The following ADAMTS12 variants were observed in gnomAD, a reference collection of about 807,000 sequenced individuals.
ADAMTS12 encodes A disintegrin and metalloproteinase with thrombospondin motifs 12.
In ADAMTS12, 118 loss-of-function variants were observed where a neutral mutation model predicts 167.8. The observed-to-expected ratio is 0.70, with a 90% CI of 0.61 to 0.82. ADAMTS12 has a LOEUF of 0.82. Ranked by LOEUF, ADAMTS12 falls within the 40% of genes least tolerant of loss-of-function variation. The pLI, the probability that ADAMTS12 is intolerant of heterozygous loss-of-function variation, is 0.00. For synonymous variants in ADAMTS12, 704 were observed against 716.9 expected, an observed-to-expected ratio of 0.98 and a Z score of 0.29; for missense variants, 1,916 against 1,998.8, an observed-to-expected ratio of 0.96 and a Z score of 0.79.
intron 7 of ADAMTS12, among the ~76,000 whole-genome samples, chr5:33,656,062 T>G (rs925070376): frequency 6.6e-6 from 1 of 152,140 alleles, no homozygotes; most frequent in Non-Finnish European, 1.5e-5. Context: ...AGATCCTCAC[T>G]TTTTTCCTGC....
chr5:33,724,931 CTT>C (rs1743927447), intron 3 of ADAMTS12, among the ~76,000 whole-genome samples: 1 of 152,206 alleles, frequency 6.6e-6, no homozygotes, highest in African/African-American at 2.4e-5. Flanking sequence ...TCCAAAAACT[CTT>C]TCCAATCTCA....
chr5:33,754,824 C>A (rs1295954211), intron 2 of ADAMTS12, among the ~76,000 whole-genome samples: 2 of 152,056 alleles, frequency 1.3e-5, no homozygotes, highest in Non-Finnish European at 2.9e-5. Flanking sequence ...CCATTGCACT[C>A]CAGCCTGGGA....
intron 2 of ADAMTS12, among the ~76,000 whole-genome samples, chr5:33,862,252 A>G (rs918526387): frequency 4.6e-5 from 7 of 152,222 alleles, no homozygotes; most frequent in Non-Finnish European, 8.8e-5. Flanking sequence ...TGATTTTTTG[A>G]AAAGATTAAC....
At chr5:33,601,261 C>T (rs1160327265) in intron 16 of ADAMTS12, among the ~76,000 whole-genome samples, 2 of 152,084 alleles carry the variant, frequency 1.3e-5, no homozygotes, top group Non-Finnish European at 2.9e-5. Context: ...GCCTCAATTT[C>T]CTTGTCCTCA....
chr5:33,683,157 C>T (rs566083076), intron 4 of ADAMTS12, 56 bp from the exon 5 acceptor site: 5 of 1,344,802 alleles, frequency 3.7e-6, no homozygotes, highest in Admixed American at 3.8e-5. Flanking sequence ...TAAATAAATA[C>T]CAGAGAAGAA....
chr5:33,801,049 T>C (rs914017223), intron 2 of ADAMTS12, among the ~76,000 whole-genome samples: 4 of 151,986 alleles, frequency 2.6e-5, no homozygotes, highest in Admixed American at 2.6e-4. Context: ...GAGTCAGAAA[T>C]TGAAGTGATG....
rs115393872 is a variant in ADAMTS12, at chr5:33,805,000, G to A, written c.490-53452C>T. ...TTTGCACCCCTGACAAACAAACAATGTCTGACTAGTACCAATGTACTCATG... is the reference window on the plus strand; with the variant it reads ...TTTGCACCCCTGACAAACAAACAATATCTGACTAGTACCAATGTACTCATG... On this transcript the variant is annotated intron_variant, in intron 2 of 23. Coordinates refer to ENST00000504830, the MANE Select transcript of ADAMTS12 (RefSeq NM_030955.4). Among the ~76,000 whole-genome samples, 936 of 152,294 alleles carry A rather than the reference G, an allele frequency of 6.1e-3. 2 individuals are homozygous for A. The highest frequency in any genetic ancestry group is 9.8e-3 in the Non-Finnish European group (667 of 68,022).
At chr5:33,609,301 A>C in intron 16 of ADAMTS12, among the ~76,000 whole-genome samples, 1 of 152,138 alleles carries the variant, frequency 6.6e-6, no homozygotes, top group Non-Finnish European at 1.5e-5. Flanking sequence ...AAGTATTTTT[A>C]GTTAAGACAC....
At chr5:33,722,666 G>C (rs374496703) in intron 3 of ADAMTS12, among the ~76,000 whole-genome samples, 2 of 152,162 alleles carry the variant, frequency 1.3e-5, no homozygotes, top group East Asian at 3.9e-4. Flanking sequence ...AGCTGGAAGG[G>C]TAAAAAGACT....
intron 2 of ADAMTS12, among the ~76,000 whole-genome samples, chr5:33,753,086 T>C (rs1472601799): frequency 2.0e-5 from 3 of 152,364 alleles, no homozygotes; most frequent in African/African-American, 4.8e-5. Context: ...TGCAAACTTT[T>C]TGAGGCACAA....
intron 20 of ADAMTS12, among the ~76,000 whole-genome samples, chr5:33,553,168 C>T (rs2111849768): frequency 6.6e-6 from 1 of 152,142 alleles, no homozygotes; most frequent in Non-Finnish European, 1.5e-5. Context: ...CAATGAGATA[C>T]CATTTCACAT....
chr5:33,808,467 T>C (rs950332036), intron 2 of ADAMTS12, among the ~76,000 whole-genome samples: 5 of 152,210 alleles, frequency 3.3e-5, no homozygotes, highest in Admixed American at 3.3e-4. Flanking sequence ...GAACCAGTTA[T>C]CTAGAGGTAT....
chr5:33,663,006 G>A (rs1741314504), intron 5 of ADAMTS12, among the ~76,000 whole-genome samples: 1 of 152,160 alleles, frequency 6.6e-6, no homozygotes, highest in Non-Finnish European at 1.5e-5. Flanking sequence ...CTACCATTCT[G>A]TATTTTGCTG....
At chr5:33,607,367 C>T (rs1430396219) in intron 16 of ADAMTS12, among the ~76,000 whole-genome samples, 3 of 152,168 alleles carry the variant, frequency 2.0e-5, no homozygotes, top group African/African-American at 4.8e-5. Context: ...GCAAGGTTGC[C>T]GGATACAAAA....
At chr5:33,750,789 A>G (rs1439983267) in intron 3 of ADAMTS12, among the ~76,000 whole-genome samples, 1 of 152,220 alleles carries the variant, frequency 6.6e-6, no homozygotes, top group African/African-American at 2.4e-5. Flanking sequence ...CAAGGCCAAG[A>G]GGACCAATTC....
intron 2 of ADAMTS12, among the ~76,000 whole-genome samples, chr5:33,820,646 A>T (rs1309521451): frequency 1.5e-3 from 2 of 1,310 alleles, no homozygotes; most frequent in Admixed American, 0.05. Context: ...TTAATATATA[A>T]AAAAAAATTT....
At position 33,661,947 on chromosome 5, in the gene ADAMTS12, C is replaced by T. The variant is rs1741274894; in HGVS notation, c.1009G>A (p.Val337Ile). The T allele has an allele frequency of 1.9e-6, 3 of 1,613,320 alleles. No individual in the cohort carries two copies. Among genetic ancestry groups the T allele is most frequent in the South Asian group, 2.2e-5 (2 of 91,066 alleles). ...AGAAGGACAGCCACGTCGTGATGAA[C>T]AGGATTGAGGTCACTCTTGGGATTG... ...SINPKSDLNP[V>I]HHDVAVLLTR... Residue 337 changes from valine to isoleucine, a missense_variant, in exon 6 of 24, where the codon GTT becomes ATT. Physicochemically the swap from Val to Ile is conservative, Grantham distance 29. Transcript: ENST00000504830.
In ADAMTS12 at chr5:33,630,843, A is replaced by C; in HGVS notation, c.1959T>G (p.Ile653Met). Reference sequence around the variant, plus strand: ...CGCCTTCAAAGCAAGGGGTACCATCAATGACAGCATCCAGCATTTTCTCAG... The same window carrying C: ...CGCCTTCAAAGCAAGGGGTACCATCCATGACAGCATCCAGCATTTTCTCAG... ...QFSEKMLDAV[I>M]DGTPCFEGGN... The change falls in exon 13 of 24, where the codon ATT becomes ATG. Residue 653 changes from isoleucine (I) to methionine (M), a missense_variant. Physicochemically the swap from Ile to Met is conservative, Grantham distance 10 (BLOSUM62 1). Coordinates refer to ENST00000504830, the MANE Select transcript of ADAMTS12 (RefSeq NM_030955.4). 6.2e-7 allele frequency: 1 copy of C among 1,613,756 alleles called. No homozygotes were observed. The highest frequency in any genetic ancestry group is 1.1e-5 in the South Asian group (1 of 91,060).
intron 17 of ADAMTS12, among the ~76,000 whole-genome samples, chr5:33,593,870 C>T (rs2112026577): frequency 6.6e-6 from 1 of 152,282 alleles, no homozygotes; most frequent in Non-Finnish European, 1.5e-5. Flanking sequence ...TGCTAGTTTT[C>T]TCTGCAGCCA....
Sources: allele counts gnomAD v4.1 joint callset (sites outside exome capture counted in the v4.1 genomes callset), GRCh38; gene constraint gnomAD v4.1.1; transcripts MANE v1.5; gene names NCBI Gene and HGNC (gene_info 2026-07-23, HGNC 2026-07-21).